The following MDGA2 variants were observed in gnomAD, a reference collection of about 807,000 sequenced individuals.
MDGA2 encodes MAM domain containing glycosylphosphatidylinositol anchor 2.
MDGA2 carries 40 observed loss-of-function variants against 117.8 expected under a neutral mutation model. The ratio of observed to expected loss-of-function variants is 0.34; its 90% CI spans 0.26 to 0.44. The LOEUF (loss-of-function observed/expected upper bound fraction) is 0.44. Ranked by LOEUF, MDGA2 falls within the 20% of genes least tolerant of loss-of-function variation. MDGA2 has a pLI of 1.00. For synonymous variants in MDGA2, 452 were observed against 439.0 expected (o/e 1.03, Z -0.37); for missense variants, 1,123 against 1,250.6 (o/e 0.90, Z 1.54).
intron 1 of MDGA2, among the ~76,000 whole-genome samples, chr14:47,613,474 C>CAA (rs1357371323): frequency 3.5e-5 from 4 of 114,360 alleles, no homozygotes; most frequent in African/African-American, 1.2e-4. Flanking sequence ...CTCTCTCTCT[C>CAA]TCTCTCACAC....
intron 2 of MDGA2, among the ~76,000 whole-genome samples, chr14:47,290,835 GTC>G (rs1386962138): frequency 3.9e-5 from 6 of 151,918 alleles, no homozygotes; most frequent in African/African-American, 1.4e-4. Context: ...GATTCCTCTG[GTC>G]ATTGCTTAGA....
At chr14:47,485,854 TGC>T (rs1239183615) in intron 1 of MDGA2, among the ~76,000 whole-genome samples, 1 of 152,202 alleles carries the variant, frequency 6.6e-6, no homozygotes, top group Non-Finnish European at 1.5e-5. Context: ...TGGAAATCTC[TGC>T]CTAGATTTCA....
intron 10 of MDGA2, among the ~76,000 whole-genome samples, chr14:46,885,732 A>G (rs1239849273): frequency 6.7e-6 from 1 of 149,154 alleles, no homozygotes; most frequent in Admixed American, 6.6e-5. Flanking sequence ...GTCAGAGAAA[A>G]TGACTCATGA....
In MDGA2 at chr14:46,901,785, T is replaced by G. The variant is rs564369631; in HGVS notation, c.2238+18227A>C. 1.1e-4 allele frequency among the ~76,000 whole-genome samples: 16 copies of G among 152,328 alleles called. No individual in the cohort carries two copies. In the East Asian group the frequency reaches 3.1e-3, roughly 29 times the overall value. On this transcript the variant is annotated intron_variant, in intron 10 of 16. Transcript: ENST00000399232. The stretch of plus-strand genomic sequence containing the variant: ...CTGCTAGGGTTTAAGGATGGTGAGC[T>G]GAGCCTGTGACCAAAACTGAGCATT...
At chr14:47,349,389 C>T (rs541580488) in intron 1 of MDGA2, among the ~76,000 whole-genome samples, 1 of 152,176 alleles carries the variant, frequency 6.6e-6, no homozygotes, top group African/African-American at 2.4e-5. Flanking sequence ...CAAATGATAA[C>T]CATCATTATT....
intron 16 of MDGA2, among the ~76,000 whole-genome samples, chr14:46,842,948 G>A (rs1257751301): frequency 6.6e-6 from 1 of 152,122 alleles, no homozygotes; most frequent in Non-Finnish European, 1.5e-5. Context: ...GTCATAAAAT[G>A]AACTTAATAA....
intron 3 of MDGA2, chr14:47,201,166 T>G (rs1042790303): frequency 4.6e-6 from 3 of 652,970 alleles, no homozygotes; most frequent in South Asian, 4.4e-5. Context: ...CTAGTTTACC[T>G]GCTCCATCAA....
intron 1 of MDGA2, among the ~76,000 whole-genome samples, chr14:47,501,777 TC>T (rs1894404863): frequency 1.3e-5 from 2 of 152,134 alleles, no homozygotes; most frequent in African/African-American, 2.4e-5. Context: ...CCCAGAACTT[TC>T]AGAAGTGGCA....
At chr14:47,264,705 T>C (rs1887907640) in intron 2 of MDGA2, among the ~76,000 whole-genome samples, 1 of 152,176 alleles carries the variant, frequency 6.6e-6, no homozygotes, top group Non-Finnish European at 1.5e-5. Context: ...TATTGTGGAA[T>C]ACATATGCAG....
intron 7 of MDGA2, among the ~76,000 whole-genome samples, chr14:47,036,076 T>A (rs1283828451): frequency 2.6e-5 from 4 of 151,864 alleles, no homozygotes. Context: ...GAGACCATCC[T>A]GGCTAACACG....
rs550273061 is a variant in MDGA2 at position 47,633,798 on chromosome 14, C to T, written c.280+40719G>A. 2.2e-4 allele frequency among the ~76,000 whole-genome samples: 34 copies of T among 152,272 alleles called. No homozygotes were observed. The South Asian group carries it at 5.6e-3, about 25-fold the overall frequency. ...ATATGATAGACCATTTACCCTGGGT[C>T]TAATTCTTCCCTGGGTCTAAGCACC... is the stretch of plus-strand genomic sequence containing the variant. On this transcript the variant is annotated intron_variant, in intron 1 of 16. Transcript: ENST00000399232.
At chr14:47,186,491 C>A (rs1281944600) in intron 3 of MDGA2, among the ~76,000 whole-genome samples, 1 of 151,742 alleles carries the variant, frequency 6.6e-6, no homozygotes, top group African/African-American at 2.4e-5. Flanking sequence ...TAAAATCTAA[C>A]ATTTATAGGG....
intron 1 of MDGA2, among the ~76,000 whole-genome samples, chr14:47,596,830 T>C (rs1896552680): frequency 1.3e-5 from 2 of 152,170 alleles, no homozygotes; most frequent in Admixed American, 1.3e-4. Flanking sequence ...ACTAGTCCTG[T>C]AGAGGTTAGG....
rs1240653574 is a variant in MDGA2, at chr14:47,028,586, A to G, written c.1819+6425T>C. Among the ~76,000 whole-genome samples the G allele has an allele frequency of 4.6e-5, 7 of 152,278 alleles. No homozygotes were observed. In the East Asian group the frequency reaches 1.2e-3, roughly 25 times the overall value. The stretch of plus-strand genomic sequence containing the variant: ...TACATACTAATGCTAGTGTCCATGG[A>G]GCTATCAATAAAGATCTTTCGTCAT... On this transcript the variant is annotated intron_variant, in intron 8 of 16. Coordinates refer to ENST00000399232, the MANE Select transcript of MDGA2 (RefSeq NM_001113498.3).
chr14:47,466,997 ACAC>A (rs1033471992), intron 1 of MDGA2, among the ~76,000 whole-genome samples: 4 of 152,102 alleles, frequency 2.6e-5, no homozygotes, highest in Non-Finnish European at 4.4e-5. Flanking sequence ...TGTTTGAGAC[ACAC>A]CACCAGCTCA....
At chr14:47,362,036 G>A (rs1594817185) in intron 1 of MDGA2, among the ~76,000 whole-genome samples, 1 of 152,040 alleles carries the variant, frequency 6.6e-6, no homozygotes, top group Non-Finnish European at 1.5e-5. Flanking sequence ...AACCTCCAAT[G>A]AGACAGCATA....
intron 1 of MDGA2, among the ~76,000 whole-genome samples, chr14:47,309,416 C>A (rs1889563392): frequency 6.6e-6 from 1 of 152,002 alleles, no homozygotes; most frequent in Admixed American, 6.6e-5. Context: ...TAGTAAGATC[C>A]TATTGATATA....
chr14:47,661,945 C>G (rs1008858101), intron 1 of MDGA2, among the ~76,000 whole-genome samples: 1 of 152,006 alleles, frequency 6.6e-6, no homozygotes, highest in African/African-American at 2.4e-5. Flanking sequence ...ACATGTTGGG[C>G]AGGCTGGTCT....
intron 3 of MDGA2, among the ~76,000 whole-genome samples, chr14:47,172,855 T>C (rs950897602): frequency 3.3e-5 from 5 of 152,156 alleles, no homozygotes; most frequent in African/African-American, 1.2e-4. Flanking sequence ...TACTCCGAGC[T>C]ACAGGAGGAA....
Sources: allele counts gnomAD v4.1 joint callset (sites outside exome capture counted in the v4.1 genomes callset), GRCh38; gene constraint gnomAD v4.1.1; transcripts MANE v1.5; gene names NCBI Gene and HGNC (gene_info 2026-07-23, HGNC 2026-07-21).